The following PPP1R9A variants were observed in gnomAD, a reference collection of about 807,000 sequenced individuals.
PPP1R9A encodes neurabin-1.
Under a neutral mutation model 141.9 loss-of-function variants are expected in PPP1R9A, and 59 were observed. The ratio of observed to expected loss-of-function variants is 0.42; its 90% CI spans 0.34 to 0.52. The LOEUF is 0.52. Among genes scored for constraint, PPP1R9A ranks in the 20% least tolerant of loss-of-function variants. PPP1R9A has a pLI of 0.10. For synonymous variants in PPP1R9A, 500 were observed against 569.7 expected (o/e 0.88, Z 1.74); for missense variants, 1,444 against 1,611.9 (o/e 0.90, Z 1.78).
At chr7:95,120,649 C>T in intron 3 of PPP1R9A, 63 bp from the exon 4 acceptor site, 1 of 1,548,662 alleles carries the variant, frequency 6.5e-7, no homozygotes, top group South Asian at 1.2e-5. Context: ...GTCTCACCAG[C>T]TAATTGCAGA....
intron 2 of PPP1R9A, among the ~76,000 whole-genome samples, chr7:94,923,509 C>G (rs1422309903): frequency 6.6e-6 from 1 of 152,132 alleles, no homozygotes; most frequent in Non-Finnish European, 1.5e-5. Flanking sequence ...TGTACACACC[C>G]AGTTAAAAAT....
chr7:95,164,268 A>G (rs1830857160), intron 5 of PPP1R9A, among the ~76,000 whole-genome samples: 1 of 152,192 alleles, frequency 6.6e-6, no homozygotes, highest in African/African-American at 2.4e-5. Context: ...GACCATTCAA[A>G]TAGGTGTATA....
chr7:95,247,081 C>T lies in PPP1R9A; in HGVS notation c.2113-392C>T, dbSNP rs17166722. Among the ~76,000 whole-genome samples the T allele has an allele frequency of 2.0e-3, 308 of 152,292 alleles. 5 individuals are homozygous for T. The East Asian group carries it at 0.053, about 26-fold the overall frequency. ...TGCAGATTTGGAATAAATCTTCACA[C>T]GTCCAGGTTTGGAATTAAATCACAC... On this transcript the variant is annotated intron_variant, in intron 8 of 19. Transcript: ENST00000433360.
At chr7:95,264,904 G>C (rs1042650987) in intron 12 of PPP1R9A, among the ~76,000 whole-genome samples, 1 of 152,154 alleles carries the variant, frequency 6.6e-6, no homozygotes, top group Non-Finnish European at 1.5e-5. Flanking sequence ...GAGGTCTTGG[G>C]CTTATGAAAG....
chr7:95,260,604 G>A (rs762269197), intron 12 of PPP1R9A, among the ~76,000 whole-genome samples: 12 of 151,618 alleles, frequency 7.9e-5, no homozygotes, highest in Middle Eastern at 6.8e-3. Context: ...ACCTGAACCC[G>A]GGAGGCGGAG....
chr7:94,909,569 G>A (rs1390496275), intron 1 of PPP1R9A, among the ~76,000 whole-genome samples: 1 of 152,102 alleles, frequency 6.6e-6, no homozygotes, highest in Non-Finnish European at 1.5e-5. Context: ...TTTTTAAAGG[G>A]CATTCACAAA....
At chr7:95,249,665 T>C (rs1450527814) in intron 9 of PPP1R9A, among the ~76,000 whole-genome samples, 3 of 152,046 alleles carry the variant, frequency 2.0e-5, no homozygotes, top group African/African-American at 7.2e-5. Context: ...TATATAATTA[T>C]ATATTTTTTA....
chr7:95,109,674 C>T (rs565212542), intron 2 of PPP1R9A, among the ~76,000 whole-genome samples: 51 of 151,822 alleles, frequency 3.4e-4, no homozygotes, highest in African/African-American at 1.2e-3. Flanking sequence ...GACCTCGCCT[C>T]TAAAAAAAAA....
intron 3 of PPP1R9A, among the ~76,000 whole-genome samples, chr7:95,115,413 T>A (rs1420295934): frequency 6.6e-6 from 1 of 152,116 alleles, no homozygotes; most frequent in Non-Finnish European, 1.5e-5. Flanking sequence ...CACAACCAGA[T>A]GATTCTATTG....
At chr7:94,913,419 T>C (rs1791689456) in intron 2 of PPP1R9A, among the ~76,000 whole-genome samples, 1 of 152,144 alleles carries the variant, frequency 6.6e-6, no homozygotes. Context: ...TAATGAAACA[T>C]TACCTACATT....
chr7:94,944,203 T>G (rs1321119902), intron 2 of PPP1R9A, among the ~76,000 whole-genome samples: 1 of 152,108 alleles, frequency 6.6e-6, no homozygotes, highest in East Asian at 1.9e-4. Context: ...ATACAATAAA[T>G]TATTGTTTAC....
chr7:95,185,043 T>G (rs1834426864), intron 5 of PPP1R9A, among the ~76,000 whole-genome samples: 1 of 151,654 alleles, frequency 6.6e-6, no homozygotes, highest in Non-Finnish European at 1.5e-5. Flanking sequence ...TTTTTTTAAT[T>G]TATTTATTTT....
chr7:95,210,559 C>T (rs563354791), intron 7 of PPP1R9A, among the ~76,000 whole-genome samples: 3 of 151,922 alleles, frequency 2.0e-5, no homozygotes, highest in Non-Finnish European at 2.9e-5. Context: ...TCCGCCTCCC[C>T]GGTTCAAGCG....
rs1792159849 is a variant in PPP1R9A at position 94,917,033 on chromosome 7, C to G, written c.1395+5525C>G. Among the ~76,000 whole-genome samples, 4 of 152,246 alleles carry G rather than the reference C, an allele frequency of 2.6e-5. No individual in the cohort carries two copies. In the South Asian group the frequency reaches 8.3e-4, roughly 32 times the overall value. On this transcript the variant is annotated intron_variant, in intron 2 of 19. Transcript: ENST00000433360. ...TTTTTACCATGTTGGCCAGGCTAGT[C>G]TCGAACTCCTGACCTCAAGTGATCT...
At chr7:95,289,594 T>C (rs560971451) in intron 19 of PPP1R9A, among the ~76,000 whole-genome samples, 1 of 152,340 alleles carries the variant, frequency 6.6e-6, no homozygotes, top group East Asian at 1.9e-4. Flanking sequence ...AGGGAAAGAA[T>C]GGCTAGTCAT....
intron 2 of PPP1R9A, among the ~76,000 whole-genome samples, chr7:95,004,331 G>A (rs1000790950): frequency 1.3e-5 from 2 of 151,652 alleles, no homozygotes; most frequent in Non-Finnish European, 1.5e-5. Flanking sequence ...ACAGTATGAC[G>A]GCCAAAAAAA....
chr7:95,261,807 C>T (rs950772619), intron 12 of PPP1R9A, among the ~76,000 whole-genome samples: 1 of 152,282 alleles, frequency 6.6e-6, no homozygotes, highest in Non-Finnish European at 1.5e-5. Context: ...AGGAGACTGA[C>T]AGTCTTTGCA....
intron 2 of PPP1R9A, among the ~76,000 whole-genome samples, chr7:94,997,215 T>C (rs1179188018): frequency 6.6e-6 from 1 of 152,150 alleles, no homozygotes; most frequent in Non-Finnish European, 1.5e-5. Flanking sequence ...TTTATATTAA[T>C]TATTTTAACA....
intron 2 of PPP1R9A, among the ~76,000 whole-genome samples, chr7:95,055,453 A>G (rs1383914035): frequency 2.6e-5 from 4 of 152,014 alleles, no homozygotes; most frequent in Non-Finnish European, 4.4e-5. Flanking sequence ...TTCAGTTTTT[A>G]TTACCACTAC....
Sources: allele counts gnomAD v4.1 joint callset (sites outside exome capture counted in the v4.1 genomes callset), GRCh38; gene constraint gnomAD v4.1.1; transcripts MANE v1.5; gene names NCBI Gene and HGNC (gene_info 2026-07-23, HGNC 2026-07-21).